LSAMP: variants seen among roughly 807,000 people sequenced by gnomAD.
The protein encoded by LSAMP is limbic system-associated membrane protein.
LSAMP carries 7 observed loss-of-function variants against 38.6 expected under a neutral mutation model. The observed-to-expected ratio is 0.18, with a 90% CI of 0.10 to 0.34. LSAMP has a LOEUF of 0.34. Ranked by LOEUF, LSAMP falls within the 10% of genes least tolerant of loss-of-function variation. The pLI is 1.00. For synonymous variants in LSAMP, 154 were observed against 166.8 expected, an observed-to-expected ratio of 0.92 and a Z score of 0.59; for missense variants, 313 against 420.0, an observed-to-expected ratio of 0.75 and a Z score of 2.23.
chr3:115,859,842 T>G (rs1254214560), intron 3 of LSAMP, among the ~76,000 whole-genome samples: 1 of 152,252 alleles, frequency 6.6e-6, no homozygotes, highest in Admixed American at 6.5e-5. Context: ...GCATGCATCC[T>G]TTTTTCAGTC....
chr3:116,390,130 T>C lies in LSAMP; in HGVS notation c.155+54747A>G, dbSNP rs201071740. Among the ~76,000 whole-genome samples, 7 of 131,640 alleles carry C rather than the reference T, an allele frequency of 5.3e-5. No homozygotes were observed. The South Asian group carries it at 6.7e-4, about 13-fold the overall frequency. The allele number at this position is 131,640 out of a possible 152,430, so 86.4% of individuals were successfully genotyped here. On this transcript the variant is annotated intron_variant, in intron 1 of 6. Transcript: ENST00000490035. ...TACTTAAATTATATATGTATGTATG[T>C]ATACACACACACACACACACACACA...
intron 3 of LSAMP, among the ~76,000 whole-genome samples, chr3:115,866,793 A>G (rs376049435): frequency 1.3e-5 from 2 of 152,220 alleles, no homozygotes; most frequent in South Asian, 4.1e-4. Flanking sequence ...AGGATAAATT[A>G]CCTCAAAGAT....
intron 1 of LSAMP, among the ~76,000 whole-genome samples, chr3:116,188,753 G>C (rs1383164053): frequency 6.6e-6 from 1 of 152,136 alleles, no homozygotes; most frequent in Non-Finnish European, 1.5e-5. Context: ...GGGAATGGGG[G>C]AATTCAAAAG....
chr3:116,016,531 T>A (rs1940488633), intron 3 of LSAMP, among the ~76,000 whole-genome samples: 1 of 152,134 alleles, frequency 6.6e-6, no homozygotes, highest in East Asian at 1.9e-4. Context: ...CATGGATGAG[T>A]GCAGCAAATC....
intron 1 of LSAMP, among the ~76,000 whole-genome samples, chr3:116,308,790 A>G (rs938498647): frequency 2.6e-5 from 4 of 152,108 alleles, no homozygotes; most frequent in African/African-American, 7.2e-5. Context: ...TAAAATGGGC[A>G]TGATAATATA....
Position 116,415,120 on chromosome 3 carries a change from C to T in LSAMP, c.155+29757G>A, listed in dbSNP as rs1045368978. The stretch of plus-strand genomic sequence containing the variant: ...AAAAAATCTGCTTAATTTGAAGATG[C>T]TTTCAGATTTGTGAGATCAGAGCAT... On this transcript the variant is annotated intron_variant, in intron 1 of 6. Transcript: ENST00000490035. Among the ~76,000 whole-genome samples, 8 of 152,136 alleles carry T rather than the reference C, an allele frequency of 5.3e-5. 1 individual carries two copies. In the South Asian group the frequency reaches 1.5e-3, roughly 28 times the overall value.
intron 3 of LSAMP, among the ~76,000 whole-genome samples, chr3:115,916,777 T>C (rs1937260608): frequency 6.6e-6 from 1 of 152,220 alleles, no homozygotes; most frequent in Non-Finnish European, 1.5e-5. Flanking sequence ...CTGTGAGATT[T>C]TGTCACTTGC....
intron 3 of LSAMP, among the ~76,000 whole-genome samples, chr3:115,929,279 C>A (rs150926464): frequency 2.0e-3 from 297 of 152,118 alleles, no homozygotes; most frequent in African/African-American, 6.9e-3. Flanking sequence ...TCCTAAAGAG[C>A]CAGGAGCAGA....
intron 1 of LSAMP, among the ~76,000 whole-genome samples, chr3:116,123,052 C>A (rs947946579): frequency 9.9e-5 from 15 of 151,818 alleles, no homozygotes; most frequent in African/African-American, 1.5e-4. Flanking sequence ...CGAGAAAAGT[C>A]AAAAAAATTA....
intron 1 of LSAMP, among the ~76,000 whole-genome samples, chr3:116,229,543 C>T (rs1033560467): frequency 2.0e-5 from 3 of 152,072 alleles, no homozygotes; most frequent in Admixed American, 6.6e-5. Context: ...TTTAAGTTCA[C>T]AGATAAGACC....
chr3:116,192,785 A>G (rs890620442), intron 1 of LSAMP, among the ~76,000 whole-genome samples: 1 of 152,134 alleles, frequency 6.6e-6, no homozygotes, highest in Non-Finnish European at 1.5e-5. Flanking sequence ...CTTTTGAAGC[A>G]ATTAGGTTAT....
intron 1 of LSAMP, among the ~76,000 whole-genome samples, chr3:116,221,725 TCTCAC>T (rs2046287243): frequency 6.6e-6 from 1 of 152,098 alleles, no homozygotes; most frequent in Non-Finnish European, 1.5e-5. Context: ...GATCCTGGTG[TCTCAC>T]TACTTCCATC....
intron 1 of LSAMP, among the ~76,000 whole-genome samples, chr3:116,255,049 A>T (rs773205258): frequency 6.6e-6 from 1 of 152,154 alleles, no homozygotes; most frequent in Non-Finnish European, 1.5e-5. Context: ...TTTCTGCCTG[A>T]GACATGAGAC....
At chr3:116,442,560 G>A (rs2049451044) in intron 1 of LSAMP, among the ~76,000 whole-genome samples, 1 of 152,052 alleles carries the variant, frequency 6.6e-6, no homozygotes, top group South Asian at 2.1e-4. Flanking sequence ...AAGAGATTGA[G>A]AAGAAGGTCA....
intron 1 of LSAMP, among the ~76,000 whole-genome samples, chr3:116,356,704 A>G (rs1157246208): frequency 6.6e-6 from 1 of 152,232 alleles, no homozygotes; most frequent in African/African-American, 2.4e-5. Context: ...ATACCCCATT[A>G]ATATATACAC....
chr3:116,277,494 C>T (rs937811854), intron 1 of LSAMP, among the ~76,000 whole-genome samples: 3 of 151,986 alleles, frequency 2.0e-5, no homozygotes, highest in South Asian at 2.1e-4. Context: ...CTCAGCCTCC[C>T]GAGTGGCTGG....
At chr3:116,393,969 T>C (rs1260022127) in intron 1 of LSAMP, among the ~76,000 whole-genome samples, 3 of 152,226 alleles carry the variant, frequency 2.0e-5, no homozygotes, top group African/African-American at 7.2e-5. Context: ...GTTTTATGAA[T>C]GAGTCTTTAG....
At position 115,810,330 on chromosome 3, in the gene LSAMP, A is replaced by G; in HGVS notation, c.1004T>C (p.Leu335Pro). 1 of 1,611,178 alleles carries G rather than the reference A, an allele frequency of 6.2e-7. No individual in the cohort carries two copies. The highest frequency in any genetic ancestry group is 1.7e-4 in the Middle Eastern group (1 of 6,048). The part of the protein sequence containing the change: ...WLLAASLLCL[L>P]SKC The stretch of plus-strand genomic sequence containing the variant: ...ATTTTTATTCTATTAACATTTGCTG[A>G]GAAGGCAGAGCAGAGATGCTGCCAG... The change falls in exon 7 of 7, where the codon CTC (leucine) becomes CCC (proline). Residue 335 changes from leucine to proline, a missense_variant. Coordinates refer to ENST00000490035, the MANE Select transcript of LSAMP (RefSeq NM_002338.5).
In LSAMP at chr3:116,117,545, G is replaced by T. The variant is rs1189478666; in HGVS notation, c.156-30989C>A. Among the ~76,000 whole-genome samples the T allele has an allele frequency of 5.3e-5, 8 of 152,008 alleles. No homozygotes were observed. The East Asian group carries it at 1.3e-3, about 26-fold the overall frequency. On this transcript the variant is annotated intron_variant, in intron 1 of 6. Transcript: ENST00000490035. The stretch of plus-strand genomic sequence containing the variant: ...ACATTTTCATAATATTTTACCTAAG[G>T]TCCTTTTTTCATTCCAGGACCCCAT...
Sources: allele counts gnomAD v4.1 joint callset (sites outside exome capture counted in the v4.1 genomes callset), GRCh38; gene constraint gnomAD v4.1.1; transcripts MANE v1.5; gene names NCBI Gene and HGNC (gene_info 2026-07-23, HGNC 2026-07-21).